The following CDCA5 variants were observed in gnomAD, a reference collection of about 807,000 sequenced individuals.
CDCA5 encodes sororin.
A neutral mutation model predicts 25.7 loss-of-function variants in CDCA5; 14 were observed. The ratio of observed to expected loss-of-function variants is 0.54; its 90% CI spans 0.36 to 0.85. The LOEUF (loss-of-function observed/expected upper bound fraction) is 0.85. Ranked by LOEUF, CDCA5 falls within the 40% of genes least tolerant of loss-of-function variation. The probability of loss-of-function intolerance (pLI) is 0.01; values close to 1 mark genes in which losing one functional copy is unlikely to be tolerated. For synonymous variants in CDCA5, 127 were observed against 128.7 expected (o/e 0.99, Z 0.09); for missense variants, 307 against 324.5 (o/e 0.95, Z 0.41).
intron 4 of CDCA5, 87 bp from the exon 5 acceptor site, chr11:65,079,874 G>A: frequency 1.0e-6 from 1 of 991,736 alleles, no homozygotes; most frequent in African/African-American, 1.7e-5. Context: ...AGGGTGGAAA[G>A]ACCCACAGGA....
downstream of CDCA5, chr11:65,077,352 G>T: frequency 2.0e-6 from 1 of 496,550 alleles, no homozygotes. Flanking sequence ...AAGCGGGGCT[G>T]GGAGCGCCTG....
At chr11:65,068,133 C>T (rs996081386) in intron 2 of CDCA5, 29 of 1,284,244 alleles carry the variant, frequency 2.3e-5, no homozygotes, top group African/African-American at 7.6e-5. Flanking sequence ...GCAGAGAAAG[C>T]GCCAAGGTGA....
rs950392978 is a variant in CDCA5, at chr11:65,078,966, G to A, written c.*141C>T. The A allele has an allele frequency of 7.8e-7, 1 of 1,275,218 alleles. No individual in the cohort carries two copies. The highest frequency in any genetic ancestry group is 9.9e-7 in the Non-Finnish European group (1 of 1,012,572). The allele number at this position is 1,275,218 out of a possible 1,614,324, so 79.0% of individuals were successfully genotyped here. ...GCCGCTGCTGCCCAAGCCCTCAAAG[G>A]CAGACAGTCCTCATGCGCAGCACCA... On this transcript the variant is annotated 3_prime_UTR_variant, in exon 6 of 6. Transcript: ENST00000275517.
chr11:65,083,725 T>C lies in CDCA5; in HGVS notation c.47-2A>G, dbSNP rs766636381. ...TAGTAGGAGATGGGGCCCTTGGCCC[T>C]GGAAAGAGAAAAAAGTTAAGTGGTA... On this transcript the variant is annotated splice_acceptor_variant, in intron 1 of 5. Coordinates refer to ENST00000275517, the MANE Select transcript of CDCA5 (RefSeq NM_080668.4). LOFTEE classifies it high-confidence loss of function. The C allele has an allele frequency of 2.5e-6, 4 of 1,609,606 alleles. No homozygotes were observed. The African/African-American group carries it at 4.0e-5, about 16-fold the overall frequency.
chr11:65,074,531 G>A (rs1947402181), downstream of CDCA5, among the ~76,000 whole-genome samples: 1 of 152,172 alleles, frequency 6.6e-6, no homozygotes, highest in African/African-American at 2.4e-5. Context: ...TCCAATGCCT[G>A]CTTTCAACTT....
intron 1 of CDCA5, among the ~76,000 whole-genome samples, chr11:65,070,403 G>A (rs1031339978): frequency 6.6e-6 from 1 of 152,250 alleles, no homozygotes; most frequent in Non-Finnish European, 1.5e-5. Context: ...CTGGGTACCA[G>A]TGTACCCACG....
chr11:65,073,816 T>C (rs1237998970), downstream of CDCA5, among the ~76,000 whole-genome samples: 1 of 152,142 alleles, frequency 6.6e-6, no homozygotes, highest in Non-Finnish European at 1.5e-5. Flanking sequence ...CTGCCAGAAC[T>C]AGGACAGGGG....
At chr11:65,074,737 T>C (rs1947406313), downstream of CDCA5, among the ~76,000 whole-genome samples, 1 of 25,540 alleles carries the variant, frequency 3.9e-5, no homozygotes, top group East Asian at 1.1e-3. Context: ...AGACCTTGTC[T>C]CAAAAAAAAA....
At chr11:65,069,845 G>A (rs1475669276) in intron 1 of CDCA5, among the ~76,000 whole-genome samples, 9 of 152,216 alleles carry the variant, frequency 5.9e-5, no homozygotes, top group African/African-American at 9.6e-5. Flanking sequence ...TGCCTGTGGC[G>A]TAGGCCTTGG....
intron 4 of CDCA5, 104 bp from the exon 5 acceptor site, chr11:65,079,891 CT>C (rs56317442): frequency 0.44 from 238,257 of 541,324 alleles, 22,247 homozygotes; most frequent in Admixed American, 0.5. Context: ...AGGACACACA[CT>C]TTTTTTTTTT....
chr11:65,070,872 A>C (rs1947326047), intron 1 of CDCA5, among the ~76,000 whole-genome samples: 1 of 152,122 alleles, frequency 6.6e-6, no homozygotes, highest in South Asian at 2.1e-4. Context: ...CATTATCTGA[A>C]AATCCAGAAT....
At chr11:65,063,626 C>T (rs1316624259), downstream of CDCA5, among the ~76,000 whole-genome samples, 2 of 152,218 alleles carry the variant, frequency 1.3e-5, no homozygotes, top group African/African-American at 4.8e-5. Flanking sequence ...AGCTATCCCA[C>T]CTGCCATCAC....
downstream of CDCA5, chr11:65,066,191 G>A (rs1947232565): frequency 3.1e-6 from 1 of 320,992 alleles, no homozygotes; most frequent in East Asian, 1.1e-4. Flanking sequence ...AGCTGAGGGA[G>A]TGGGGGTGAT....
At position 65,079,182 on chromosome 11, in the gene CDCA5, C is replaced by T. The variant is rs759268942; in HGVS notation, c.684G>A (p.Thr228=). The change falls in exon 6 of 6, where the codon ACG becomes ACA. Residue 228 remains threonine, a synonymous_variant. Coordinates refer to ENST00000275517, the MANE Select transcript of CDCA5 (RefSeq NM_080668.4). The part of the protein sequence containing the change: ...KKKKMPEILK[T]ELDEWAAAMN... Reference sequence around the variant, plus strand: ...TGGCCGCAGCCCACTCATCCAGCTCCGTTTTCTGAGGGAAGAGAAATGAGG... The same window carrying T: ...TGGCCGCAGCCCACTCATCCAGCTCTGTTTTCTGAGGGAAGAGAAATGAGG... 15 of 1,525,102 alleles carry T rather than the reference C, an allele frequency of 9.8e-6. No individual in the cohort carries two copies. In the East Asian group the frequency reaches 2.3e-4, roughly 23 times the overall value. The allele number at this position is 1,525,102 out of a possible 1,614,324, so 94.5% of individuals were successfully genotyped here. A position where few individuals can be genotyped will look rare whatever the true frequency, so the allele number is the denominator to read the frequency against.
chr11:65,067,828 G>A (rs924081497), intron 3 of CDCA5: 2 of 995,502 alleles, frequency 2.0e-6, no homozygotes, highest in Non-Finnish European at 1.4e-6. Context: ...GTGTGGGGGT[G>A]CCCAGCCAAA....
chr11:65,079,991 C>T (rs917186809), intron 4 of CDCA5, among the ~76,000 whole-genome samples: 3 of 151,584 alleles, frequency 2.0e-5, no homozygotes, highest in African/African-American at 7.3e-5. Flanking sequence ...CCCGGGTTCA[C>T]GCCATTCTCC....
downstream of CDCA5, among the ~76,000 whole-genome samples, chr11:65,065,896 C>G (rs1229758913): frequency 1.3e-5 from 2 of 152,054 alleles, no homozygotes; most frequent in Admixed American, 1.3e-4. Context: ...CCATGACTTA[C>G]AAAGGGGAAG....
chr11:65,076,413 C>G (rs538574439), downstream of CDCA5, among the ~76,000 whole-genome samples: 5 of 152,256 alleles, frequency 3.3e-5, no homozygotes, highest in African/African-American at 9.6e-5. Context: ...CTGTGCCCAG[C>G]CTGGTTGTCA....
At chr11:65,068,213 T>A in intron 2 of CDCA5, 1 of 830,566 alleles carries the variant, frequency 1.2e-6, no homozygotes, top group Non-Finnish European at 1.7e-6. Flanking sequence ...GCCATCTCCC[T>A]GTCTTTCAGG....
Sources: allele counts gnomAD v4.1 joint callset (sites outside exome capture counted in the v4.1 genomes callset), GRCh38; gene constraint gnomAD v4.1.1; transcripts MANE v1.5; gene names NCBI Gene and HGNC (gene_info 2026-07-23, HGNC 2026-07-21).